The following GRHL2 variants were observed in gnomAD, a reference collection of about 807,000 sequenced individuals.
GRHL2 encodes grainyhead-like protein 2 homolog.
GRHL2 carries 21 observed loss-of-function variants against 83.8 expected under a neutral mutation model. That is an observed-to-expected ratio of 0.25 (90% confidence interval 0.18 to 0.36). The LOEUF is 0.36. GRHL2 is among the 10% of genes least tolerant of loss of function. The pLI, the probability that GRHL2 is intolerant of heterozygous loss-of-function variation, is 1.00. For synonymous variants in GRHL2, 280 were observed against 278.9 expected (o/e 1.00, Z -0.04); for missense variants, 623 against 781.8 (o/e 0.80, Z 2.42).
At chr8:101,509,698 C>A (rs1810425346) in intron 1 of GRHL2, among the ~76,000 whole-genome samples, 1 of 152,108 alleles carries the variant, frequency 6.6e-6, no homozygotes, top group Non-Finnish European at 1.5e-5. Context: ...AAAAATTCAG[C>A]TTAATTAGTT....
chr8:101,582,930 T>C (rs867677206), intron 7 of GRHL2, among the ~76,000 whole-genome samples: 2 of 152,184 alleles, frequency 1.3e-5, no homozygotes, highest in South Asian at 2.1e-4. Context: ...TTTCTGTTGT[T>C]GAATGAAGCA....
At chr8:101,545,287 C>G (rs372458806) in intron 2 of GRHL2, among the ~76,000 whole-genome samples, 2 of 152,006 alleles carry the variant, frequency 1.3e-5, no homozygotes, top group African/African-American at 4.8e-5. Context: ...TGTGACCACC[C>G]TCTTATGAAG....
intron 8 of GRHL2, among the ~76,000 whole-genome samples, chr8:101,613,975 G>A (rs910340691): frequency 2.7e-5 from 4 of 150,898 alleles, no homozygotes; most frequent in African/African-American, 9.9e-5. Flanking sequence ...AATCACAGAC[G>A]TTACAATTTT....
chr8:101,583,885 T>C (rs1200989438), intron 7 of GRHL2, among the ~76,000 whole-genome samples: 2 of 152,242 alleles, frequency 1.3e-5, no homozygotes, highest in Non-Finnish European at 2.9e-5. Flanking sequence ...CACTCATATA[T>C]AACTTCTCCC....
At chr8:101,578,149 T>A (rs1201006749) in intron 7 of GRHL2, among the ~76,000 whole-genome samples, 5 of 152,228 alleles carry the variant, frequency 3.3e-5, no homozygotes, top group African/African-American at 9.6e-5. Context: ...TGCCCAATAA[T>A]TCACTGGGCA....
intron 4 of GRHL2, among the ~76,000 whole-genome samples, chr8:101,563,888 G>T (rs948732516): frequency 6.6e-6 from 1 of 152,130 alleles, no homozygotes; most frequent in Non-Finnish European, 1.5e-5. Context: ...TTCACCAAAA[G>T]ATTGCCACTG....
At chr8:101,524,796 TTA>T (rs1810769505) in intron 1 of GRHL2, among the ~76,000 whole-genome samples, 2 of 151,078 alleles carry the variant, frequency 1.3e-5, no homozygotes, top group African/African-American at 4.9e-5. Flanking sequence ...AATACTGGCT[TTA>T]AAAAAAAAAT....
intron 4 of GRHL2, among the ~76,000 whole-genome samples, chr8:101,563,159 G>A (rs535499692): frequency 5.3e-5 from 8 of 152,122 alleles, no homozygotes; most frequent in Non-Finnish European, 8.8e-5. Context: ...GCATAAGTAT[G>A]CTCATGGTTA....
chr8:101,574,541 A>C (rs1202924860), intron 6 of GRHL2, among the ~76,000 whole-genome samples: 2 of 152,250 alleles, frequency 1.3e-5, no homozygotes, highest in East Asian at 3.8e-4. Flanking sequence ...TGTTGGGTCC[A>C]TGATGCCCAG....
Position 101,613,052 on chromosome 8 carries a change from C to T in GRHL2, c.1099-6487C>T, listed in dbSNP as rs556754375. 1.1e-4 allele frequency among the ~76,000 whole-genome samples: 16 copies of T among 150,872 alleles called. 1 individual carries two copies. Among genetic ancestry groups the T allele is most frequent in the African/African-American group, 4.0e-4 (16 of 40,340 alleles). ...GCAGCTCTCCATGGGATGGTCAAGG[C>T]AGGTATTTCCGAAGAGTTGACATTG... is the stretch of plus-strand genomic sequence containing the variant. On this transcript the variant is annotated intron_variant, in intron 8 of 15. Coordinates refer to ENST00000646743, the MANE Select transcript of GRHL2 (RefSeq NM_024915.4).
At chr8:101,534,728 A>G (rs13256544) in intron 1 of GRHL2, among the ~76,000 whole-genome samples, 80,254 of 151,890 alleles carry the variant, frequency 0.53, 22,095 homozygotes, top group Non-Finnish European at 0.6. Flanking sequence ...TATTTTGAAA[A>G]TAGAACCAAT....
intron 9 of GRHL2, among the ~76,000 whole-genome samples, chr8:101,628,341 C>T (rs1813120344): frequency 6.6e-6 from 1 of 151,972 alleles, no homozygotes; most frequent in South Asian, 2.1e-4. Context: ...GTAAACAAAA[C>T]TACAAAGCCT....
chr8:101,652,286 G>A (rs1813639519), intron 14 of GRHL2, among the ~76,000 whole-genome samples: 2 of 151,324 alleles, frequency 1.3e-5, no homozygotes, highest in South Asian at 4.2e-4. Flanking sequence ...TATCTATATT[G>A]GTATATACAA....
intron 7 of GRHL2, among the ~76,000 whole-genome samples, chr8:101,587,863 C>A (rs1812199915): frequency 6.6e-6 from 1 of 152,192 alleles, no homozygotes; most frequent in South Asian, 2.1e-4. Flanking sequence ...CTCCCTGTGG[C>A]CTTCAATAGA....
intron 7 of GRHL2, among the ~76,000 whole-genome samples, chr8:101,587,306 A>G (rs1700488034): frequency 6.6e-6 from 1 of 152,244 alleles, no homozygotes; most frequent in African/African-American, 2.4e-5. Flanking sequence ...AGATAAAAGC[A>G]GACGATGGAT....
rs542065328 is a variant in GRHL2, at chr8:101,511,896, G to A, written c.20+19107G>A. Among the ~76,000 whole-genome samples, 6 of 152,202 alleles carry A rather than the reference G, an allele frequency of 3.9e-5. No homozygotes were observed. The South Asian group carries it at 1.2e-3, about 32-fold the overall frequency. ...AGGTCTTTACATAATTGTTTTTCTA[G>A]ATGGCCAAACTATTCTGCCAATGCC... is the stretch of plus-strand genomic sequence containing the variant. On this transcript the variant is annotated intron_variant, in intron 1 of 15. Coordinates refer to ENST00000646743, the MANE Select transcript of GRHL2 (RefSeq NM_024915.4).
intron 2 of GRHL2, among the ~76,000 whole-genome samples, chr8:101,547,420 C>G (rs1372988357): frequency 6.6e-6 from 1 of 152,204 alleles, no homozygotes; most frequent in Non-Finnish European, 1.5e-5. Context: ...CCTGTGGGGA[C>G]AGTCATGGAC....
At chr8:101,562,151 C>A in intron 4 of GRHL2, 1 of 635,586 alleles carries the variant, frequency 1.6e-6, no homozygotes, top group Non-Finnish European at 3.0e-6. Flanking sequence ...CTTTATTTTT[C>A]TTCGATCTGT....
At chr8:101,521,737 TTTATACTTGGAC>T (rs1810688532) in intron 1 of GRHL2, among the ~76,000 whole-genome samples, 3 of 152,236 alleles carry the variant, frequency 2.0e-5, no homozygotes, top group Admixed American at 2.0e-4. Context: ...TTATTACATC[TTTATACTTGGAC>T]TTATATACCT....
Sources: allele counts gnomAD v4.1 joint callset (sites outside exome capture counted in the v4.1 genomes callset), GRCh38; gene constraint gnomAD v4.1.1; transcripts MANE v1.5; gene names NCBI Gene and HGNC (gene_info 2026-07-23, HGNC 2026-07-21).